The following TMPRSS15 variants were observed in gnomAD, a reference collection of about 807,000 sequenced individuals.
TMPRSS15 encodes the protein transmembrane serine protease 15.
Under a neutral mutation model 125.3 loss-of-function variants are expected in TMPRSS15, and 128 were observed. The observed-to-expected ratio is 1.02, with a 90% CI of 0.89 to 1.18. TMPRSS15 has a LOEUF of 1.18. Ranked by LOEUF, TMPRSS15 falls within the 50% of genes most tolerant of loss-of-function variation. TMPRSS15 has a pLI of 0.00. For missense variants in TMPRSS15, 1,283 were observed against 1,212.7 expected (o/e 1.06, Z -0.86); for synonymous variants, 446 against 423.2 (o/e 1.05, Z -0.66).
At chr21:18,412,684 G>T (rs1224935400) in intron 1 of TMPRSS15, among the ~76,000 whole-genome samples, 4 of 152,126 alleles carry the variant, frequency 2.6e-5, no homozygotes, top group African/African-American at 4.8e-5. Flanking sequence ...AATTTGTACT[G>T]TACCTAGAAT....
intron 1 of TMPRSS15, among the ~76,000 whole-genome samples, chr21:18,434,906 G>A (rs1461042667): frequency 6.6e-6 from 1 of 151,884 alleles, no homozygotes; most frequent in Non-Finnish European, 1.5e-5. Flanking sequence ...TCTTTCATCT[G>A]TACTTAGAAT....
At chr21:18,335,029 A>G (rs972903314) in intron 13 of TMPRSS15, among the ~76,000 whole-genome samples, 4 of 152,244 alleles carry the variant, frequency 2.6e-5, no homozygotes, top group Admixed American at 1.3e-4. Context: ...AGTTCTCAAC[A>G]GGAAATCATG....
At chr21:18,365,643 T>TCTTCCTTCC (rs1555904770) in intron 6 of TMPRSS15, among the ~76,000 whole-genome samples, 3 of 26,772 alleles carry the variant, frequency 1.1e-4, no homozygotes, top group Admixed American at 4.6e-4. Context: ...TCTCTCTCTT[T>TCTTCCTTCC]TTCCTCCCTT....
chr21:18,343,646 A>G lies in TMPRSS15; in HGVS notation c.1288T>C (p.Tyr430His). 1 of 1,613,536 alleles carries G rather than the reference A, an allele frequency of 6.2e-7. No homozygotes were observed. The highest frequency in any genetic ancestry group is 2.2e-5 in the East Asian group (1 of 44,820). Reference sequence around the variant, plus strand: ...CTTAATTTATGGACATTTTCACCATACATATGATACCTAGTTTGGAAAGAA... The same window carrying G: ...CTTAATTTATGGACATTTTCACCATGCATATGATACCTAGTTTGGAAAGAA... The part of the protein sequence containing the change: ...PACLSFWYHM[Y>H]GENVHKLSIN... The change falls in exon 12 of 25, where the codon TAT (tyrosine) becomes CAT (histidine). Residue 430 changes from tyrosine to histidine, a missense_variant. Coordinates refer to ENST00000284885, the MANE Select transcript of TMPRSS15 (RefSeq NM_002772.3).
chr21:18,466,894 C>A (rs1978673921), intron 1 of TMPRSS15, among the ~76,000 whole-genome samples: 1 of 152,152 alleles, frequency 6.6e-6, no homozygotes, highest in Non-Finnish European at 1.5e-5. Flanking sequence ...TTTGACCCAG[C>A]AATCACATTA....
At chr21:18,333,113 G>T (rs2075360575) in intron 13 of TMPRSS15, among the ~76,000 whole-genome samples, 1 of 152,106 alleles carries the variant, frequency 6.6e-6, no homozygotes, top group African/African-American at 2.4e-5. Flanking sequence ...AGTGGTAGGA[G>T]GGAGGGGAAT....
chr21:18,419,370 C>T (rs1278258182), intron 1 of TMPRSS15, among the ~76,000 whole-genome samples: 2 of 151,728 alleles, frequency 1.3e-5, no homozygotes, highest in East Asian at 1.9e-4. Context: ...GGACTACAGG[C>T]GCCCGCCACC....
intron 1 of TMPRSS15, among the ~76,000 whole-genome samples, chr21:18,465,285 C>T (rs1978637324): frequency 6.6e-6 from 1 of 152,100 alleles, no homozygotes; most frequent in Admixed American, 6.6e-5. Context: ...CTATTTATGA[C>T]AAACCCACAG....
At chr21:18,407,055 C>A (rs2076153737), upstream of TMPRSS15, among the ~76,000 whole-genome samples, 1 of 151,906 alleles carries the variant, frequency 6.6e-6, no homozygotes, top group Non-Finnish European at 1.5e-5. Flanking sequence ...TGTTGCACAG[C>A]CTAAAGTAGA....
rs990158979 is a variant in TMPRSS15, at chr21:18,398,471, G to A, written c.146-142C>T. 6 of 812,150 alleles carry A rather than the reference G, an allele frequency of 7.4e-6. No individual in the cohort carries two copies. The African/African-American group carries it at 8.7e-5, about 12-fold the overall frequency. 50.3% of individuals were successfully genotyped at this position (812,150 alleles called of 1,614,324 possible). On this transcript the variant is annotated intron_variant, in intron 1 of 24. Transcript: ENST00000284885. Reference sequence around the variant, plus strand: ...TCTTGCTTTTTCTTTGTAGTCTCATGTTTCAAAATCAGCTGCTTTCTTTCA... The same window carrying A: ...TCTTGCTTTTTCTTTGTAGTCTCATATTTCAAAATCAGCTGCTTTCTTTCA...
chr21:18,284,145 C>A (rs1018804749), intron 21 of TMPRSS15, among the ~76,000 whole-genome samples: 1 of 152,068 alleles, frequency 6.6e-6, no homozygotes, highest in Non-Finnish European at 1.5e-5. Flanking sequence ...GGAAAAATTC[C>A]GCCGCCATGT....
At chr21:18,365,614 T>TTC (rs199828397) in intron 6 of TMPRSS15, among the ~76,000 whole-genome samples, 3 of 10,740 alleles carry the variant, frequency 2.8e-4, no homozygotes, top group Non-Finnish European at 8.3e-4. Flanking sequence ...TTCCTTCCTT[T>TTC]TCTCTCTTTC....
intron 1 of TMPRSS15, among the ~76,000 whole-genome samples, chr21:18,426,312 C>G (rs2076202510): frequency 6.6e-6 from 1 of 152,120 alleles, no homozygotes; most frequent in Admixed American, 6.5e-5. Context: ...TGTCACTTAG[C>G]AAATAAGTGG....
At chr21:18,293,731 A>G (rs924330963) in intron 21 of TMPRSS15, among the ~76,000 whole-genome samples, 2 of 152,246 alleles carry the variant, frequency 1.3e-5, no homozygotes, top group Non-Finnish European at 2.9e-5. Context: ...GGTTGATATT[A>G]GTTCTAAATT....
chr21:18,281,277 TAGA>T (rs1194367190), intron 21 of TMPRSS15, 56 bp from the exon 22 acceptor site: 20 of 1,419,120 alleles, frequency 1.4e-5, no homozygotes, highest in Non-Finnish European at 1.9e-5. Flanking sequence ...AGTTCCTTTC[TAGA>T]AGATCTTCAT....
At chr21:18,377,374 G>T (rs535634613) in intron 5 of TMPRSS15, among the ~76,000 whole-genome samples, 76 of 151,888 alleles carry the variant, frequency 5.0e-4, no homozygotes, top group Non-Finnish European at 1.0e-3. Context: ...TAGTTGTTTT[G>T]TTCAATTCTG....
intron 21 of TMPRSS15, among the ~76,000 whole-genome samples, chr21:18,290,018 C>G (rs1286180678): frequency 6.6e-6 from 1 of 152,194 alleles, no homozygotes; most frequent in East Asian, 1.9e-4. Flanking sequence ...TTGGTTGATG[C>G]GTGTGCTTTA....
intron 21 of TMPRSS15, among the ~76,000 whole-genome samples, chr21:18,285,110 G>A (rs1004388772): frequency 2.0e-5 from 3 of 152,190 alleles, no homozygotes; most frequent in African/African-American, 7.2e-5. Context: ...GAGAAGCACA[G>A]CAGGTTGGAG....
intron 1 of TMPRSS15, among the ~76,000 whole-genome samples, chr21:18,462,318 T>C (rs994694691): frequency 6.6e-6 from 1 of 152,172 alleles, no homozygotes; most frequent in South Asian, 2.1e-4. Flanking sequence ...ATTGTTTGTT[T>C]CTACAAATCG....
Sources: allele counts gnomAD v4.1 joint callset (sites outside exome capture counted in the v4.1 genomes callset), GRCh38; gene constraint gnomAD v4.1.1; transcripts MANE v1.5; gene names NCBI Gene and HGNC (gene_info 2026-07-23, HGNC 2026-07-21).